PRDM5: variants seen among roughly 807,000 people sequenced by gnomAD.
The protein encoded by PRDM5 is PR domain zinc finger protein 5.
In PRDM5, 56 loss-of-function variants were observed where a neutral mutation model predicts 81.2. The ratio of observed to expected loss-of-function variants is 0.69; its 90% CI spans 0.56 to 0.86. PRDM5 has a LOEUF of 0.86. Ranked by LOEUF, PRDM5 falls within the 40% of genes least tolerant of loss-of-function variation. The probability of loss-of-function intolerance (pLI) is 0.00; values close to 1 mark genes in which losing one functional copy is unlikely to be tolerated. For synonymous variants in PRDM5, 267 were observed against 256.4 expected, an observed-to-expected ratio of 1.04 and a Z score of -0.39; for missense variants, 697 against 770.1, an observed-to-expected ratio of 0.91 and a Z score of 1.12.
intron 3 of PRDM5, among the ~76,000 whole-genome samples, chr4:120,851,100 A>C (rs1045192298): frequency 6.6e-5 from 10 of 152,186 alleles, no homozygotes; most frequent in Non-Finnish European, 1.5e-4. Flanking sequence ...ACACTTTGTA[A>C]GTTTAGGCAA....
At chr4:120,857,671 C>A (rs922595730) in intron 2 of PRDM5, among the ~76,000 whole-genome samples, 8 of 151,672 alleles carry the variant, frequency 5.3e-5, no homozygotes. Flanking sequence ...ACAGAGGAAA[C>A]CACAAAAAAT....
At chr4:120,721,822 G>C (rs1013837755) in intron 14 of PRDM5, among the ~76,000 whole-genome samples, 1 of 152,096 alleles carries the variant, frequency 6.6e-6, no homozygotes, top group Non-Finnish European at 1.5e-5. Flanking sequence ...TGTTATCACA[G>C]CCATGTAGCC....
rs757842805 is a variant in PRDM5 at position 120,816,812 on chromosome 4, T to G, written c.743+20A>C. 8.7e-6 allele frequency: 14 copies of G among 1,602,966 alleles called. No individual in the cohort carries two copies. Among genetic ancestry groups the G allele is most frequent in the Non-Finnish European group, 1.1e-5 (13 of 1,169,818 alleles). On this transcript the variant is annotated intron_variant, in intron 6 of 15. Coordinates refer to ENST00000264808, the MANE Select transcript of PRDM5 (RefSeq NM_018699.4). ...GACCCACAATTATATAACAGCCATT[T>G]CATAACTCAGACACAAAACCTCGAT...
At chr4:120,721,925 A>G (rs1187300255) in intron 14 of PRDM5, among the ~76,000 whole-genome samples, 2 of 152,220 alleles carry the variant, frequency 1.3e-5, no homozygotes, top group African/African-American at 4.8e-5. Context: ...ACATGGCTTG[A>G]CATGGTGGGC....
intron 10 of PRDM5, among the ~76,000 whole-genome samples, chr4:120,788,346 C>T (rs1369805536): frequency 4.6e-5 from 7 of 151,976 alleles, no homozygotes; most frequent in South Asian, 2.1e-4. Context: ...CCATTTAAGC[C>T]GCATACATAT....
rs2148679689 is a variant in PRDM5 at position 120,907,403 on chromosome 4, G to A, written c.177+71C>T. On this transcript the variant is annotated intron_variant, in intron 2 of 15. Coordinates refer to ENST00000264808, the MANE Select transcript of PRDM5 (RefSeq NM_018699.4). ...TTAACTGGAATCAATATCAATTAATGTAGCCTTAAAAATGCATTAAATGGT... is the reference window on the plus strand; with the variant it reads ...TTAACTGGAATCAATATCAATTAATATAGCCTTAAAAATGCATTAAATGGT... 5.4e-6 allele frequency: 6 copies of A among 1,115,092 alleles called. No homozygotes were observed. The East Asian group carries it at 1.3e-4, about 24-fold the overall frequency. 69.1% of individuals were successfully genotyped at this position (1,115,092 alleles called of 1,614,324 possible). A position where few individuals can be genotyped will look rare whatever the true frequency, so the allele number is the denominator to read the frequency against.
In PRDM5 at chr4:120,760,752, T is replaced by C. The variant is rs73845489; in HGVS notation, c.1538-6114A>G. Among the ~76,000 whole-genome samples the C allele has an allele frequency of 8.3e-3, 1,271 of 152,256 alleles. 18 individuals carry two copies. Among genetic ancestry groups the C allele is most frequent in the African/African-American group, 0.029 (1,204 of 41,554 alleles). ...TGTATTCATTCATTAAATAGACTTT[T>C]TTTTTTTTAGCACATACCATCTTCT... On this transcript the variant is annotated intron_variant, in intron 13 of 15. Coordinates refer to ENST00000264808, the MANE Select transcript of PRDM5 (RefSeq NM_018699.4).
intron 10 of PRDM5, among the ~76,000 whole-genome samples, chr4:120,789,395 T>C (rs1002199228): frequency 6.6e-6 from 1 of 152,168 alleles, no homozygotes; most frequent in Non-Finnish European, 1.5e-5. Context: ...CAATTAAAAA[T>C]TATACTACTG....
intron 5 of PRDM5, 168 bp downstream of exon 5, chr4:120,818,185 T>C (rs112431755): frequency 3.1e-6 from 2 of 642,320 alleles, no homozygotes; most frequent in African/African-American, 3.7e-5. Flanking sequence ...TAAGAAAAGA[T>C]GAGTTAATGA....
At chr4:120,747,809 G>T (rs1441631827) in intron 14 of PRDM5, among the ~76,000 whole-genome samples, 2 of 152,174 alleles carry the variant, frequency 1.3e-5, no homozygotes, top group Non-Finnish European at 2.9e-5. Context: ...TGCAAACAAG[G>T]CTGGAGAGAA....
In PRDM5 at chr4:120,743,004, C is replaced by T. The variant is rs377012533; in HGVS notation, c.1623+11549G>A. Among the ~76,000 whole-genome samples the T allele has an allele frequency of 6.7e-4, 101 of 149,996 alleles. 2 individuals carry two copies. Among genetic ancestry groups the T allele is most frequent in the Non-Finnish European group, 1.2e-3 (84 of 67,640 alleles). On this transcript the variant is annotated intron_variant, in intron 14 of 15. Transcript: ENST00000264808. ...AGATTCACCAAAGTTGAAATGAAGGCAAAAATGTTAAGGGCAGCCAGAGAG... is the reference window on the plus strand; with the variant it reads ...AGATTCACCAAAGTTGAAATGAAGGTAAAAATGTTAAGGGCAGCCAGAGAG...
chr4:120,781,389 C>T (rs1440217162), intron 11 of PRDM5, 86 bp from the exon 12 acceptor site: 14 of 1,250,828 alleles, frequency 1.1e-5, no homozygotes, highest in Non-Finnish European at 1.6e-5. Context: ...TTGCTTTCTC[C>T]AAAATGTTGG....
At chr4:120,758,289 C>T (rs1488229580) in intron 13 of PRDM5, among the ~76,000 whole-genome samples, 1 of 152,182 alleles carries the variant, frequency 6.6e-6, no homozygotes, top group Non-Finnish European at 1.5e-5. Flanking sequence ...CTCCCTTTCA[C>T]TCTCACAAGT....
intron 1 of PRDM5, among the ~76,000 whole-genome samples, chr4:120,922,289 AC>A (rs1279222436): frequency 6.6e-6 from 1 of 151,870 alleles, no homozygotes; most frequent in Non-Finnish European, 1.5e-5. Flanking sequence ...AGCGGAGCGC[AC>A]CCCGCCGCCA....
chr4:120,839,373 G>T (rs531958921), intron 3 of PRDM5: 2 of 687,214 alleles, frequency 2.9e-6, no homozygotes, highest in Non-Finnish European at 2.7e-6. Flanking sequence ...AAACCTGCAG[G>T]TTTTCTTTCC....
At chr4:120,687,885 A>G (rs1434617167), downstream of PRDM5, among the ~76,000 whole-genome samples, 1 of 152,056 alleles carries the variant, frequency 6.6e-6, no homozygotes, top group African/African-American at 2.4e-5. Context: ...TTGCACTTTG[A>G]TCTTGGACTT....
chr4:120,904,916 TA>T (rs947259513), intron 2 of PRDM5, among the ~76,000 whole-genome samples: 8 of 152,160 alleles, frequency 5.3e-5, no homozygotes, highest in Non-Finnish European at 1.2e-4. Flanking sequence ...ATAACATTTT[TA>T]AAAAAGAAAA....
intron 3 of PRDM5, among the ~76,000 whole-genome samples, chr4:120,831,740 A>C (rs2149370726): frequency 6.6e-6 from 1 of 152,246 alleles, no homozygotes; most frequent in Non-Finnish European, 1.5e-5. Flanking sequence ...ATGACAGCAA[A>C]TGCTAATGAG....
At chr4:120,714,411 C>A (rs892735215) in intron 14 of PRDM5, among the ~76,000 whole-genome samples, 1 of 151,998 alleles carries the variant, frequency 6.6e-6, no homozygotes, top group African/African-American at 2.4e-5. Context: ...TTGATCAATT[C>A]TCTTTTCAGC....
Sources: gnomAD v4.1 joint callset for allele counts (sites outside exome capture counted in the v4.1 genomes callset) on GRCh38, gnomAD v4.1.1 for gene constraint, MANE v1.5 for transcripts, NCBI Gene and HGNC (gene_info 2026-07-23, HGNC 2026-07-21) for gene names.